The following ZBTB16 variants were observed in gnomAD, a reference collection of about 807,000 sequenced individuals.
ZBTB16 encodes the protein zinc finger and BTB domain-containing protein 16.
ZBTB16 carries 8 observed loss-of-function variants against 56.8 expected under a neutral mutation model. The observed-to-expected ratio is 0.14, with a 90% confidence interval of 0.08 to 0.25. The LOEUF is 0.25. Ranked by LOEUF, ZBTB16 falls within the 10% of genes least tolerant of loss-of-function variation. The pLI, the probability that ZBTB16 is intolerant of heterozygous loss-of-function variation, is 1.00. For synonymous variants in ZBTB16, 363 were observed against 368.5 expected (o/e 0.98, Z 0.17); for missense variants, 625 against 903.0 (o/e 0.69, Z 3.95).
chr11:114,231,280 GAA>G (rs1056342636), intron 4 of ZBTB16, among the ~76,000 whole-genome samples: 3 of 152,158 alleles, frequency 2.0e-5, no homozygotes, highest in Non-Finnish European at 4.4e-5. Flanking sequence ...CTCTTGTAAT[GAA>G]ACTGCTAGAT....
intron 2 of ZBTB16, among the ~76,000 whole-genome samples, chr11:114,151,588 T>C (rs1942279426): frequency 6.6e-6 from 1 of 152,330 alleles, no homozygotes; most frequent in Non-Finnish European, 1.5e-5. Flanking sequence ...TTTCTTTCTC[T>C]AAACCTTCCC....
At chr11:114,066,712 G>A (rs1339714006) in intron 2 of ZBTB16, among the ~76,000 whole-genome samples, 2 of 151,590 alleles carry the variant, frequency 1.3e-5, no homozygotes, top group Non-Finnish European at 2.9e-5. Context: ...GCCATATTTA[G>A]TGGTGAGAGC....
At chr11:114,215,992 G>C (rs1730615023) in intron 4 of ZBTB16, among the ~76,000 whole-genome samples, 1 of 152,300 alleles carries the variant, frequency 6.6e-6, no homozygotes, top group East Asian at 1.9e-4. Flanking sequence ...AGAGCAGACA[G>C]GGTAGGGGTG....
intron 2 of ZBTB16, among the ~76,000 whole-genome samples, chr11:114,094,334 A>G (rs1192770777): frequency 6.6e-6 from 1 of 152,234 alleles, no homozygotes; most frequent in African/African-American, 2.4e-5. Flanking sequence ...AAAAATAAAA[A>G]ACATTAAAAA....
chr11:114,106,627 T>C (rs978822895), intron 2 of ZBTB16, among the ~76,000 whole-genome samples: 1 of 151,940 alleles, frequency 6.6e-6, no homozygotes, highest in African/African-American at 2.4e-5. Context: ...TGCACCACCA[T>C]GCCTGGCTAA....
intron 4 of ZBTB16, among the ~76,000 whole-genome samples, chr11:114,210,192 TGC>T (rs1555155978): frequency 2.4e-4 from 34 of 143,338 alleles, no homozygotes; most frequent in South Asian, 9.1e-4. Context: ...TGTGTGTGTG[TGC>T]GTGCGCGCGC....
intron 2 of ZBTB16, among the ~76,000 whole-genome samples, chr11:114,126,024 T>C (rs1421642946): frequency 6.6e-6 from 1 of 152,138 alleles, no homozygotes; most frequent in Non-Finnish European, 1.5e-5. Context: ...CTGGAGTACA[T>C]TGGGAAGCAA....
intron 2 of ZBTB16, among the ~76,000 whole-genome samples, chr11:114,110,224 T>C (rs955522958): frequency 3.3e-5 from 5 of 152,064 alleles, no homozygotes; most frequent in African/African-American, 1.2e-4. Flanking sequence ...GCTCAGACTT[T>C]CTTGGAGATG....
At chr11:114,203,887 C>T (rs1943791556) in intron 4 of ZBTB16, among the ~76,000 whole-genome samples, 1 of 152,130 alleles carries the variant, frequency 6.6e-6, no homozygotes, top group Non-Finnish European at 1.5e-5. Context: ...AAGGAAGGAT[C>T]AGGTCTGAAC....
chr11:114,235,682 C>CTTTCTTTCTTTCTTTCTTTCTTTCT (rs1341487494), intron 4 of ZBTB16, among the ~76,000 whole-genome samples: 6 of 36,070 alleles, frequency 1.7e-4, no homozygotes, highest in African/African-American at 4.5e-4. Context: ...TTCTTTCTTT[C>CTTTCTTTCTTTCTTTCTTTCTTTCT]TTTCTTTCTT....
rs139331216 is a variant in ZBTB16 at position 114,153,213 on chromosome 11, A to G, written c.1269-3124A>G. Among the ~76,000 whole-genome samples, 141 of 152,356 alleles carry G rather than the reference A, an allele frequency of 9.3e-4. 1 individual carries two copies. The highest frequency in any genetic ancestry group is 1.0e-3 in the Non-Finnish European group (70 of 68,028). ...ACATTCTTCCTTTGGTAGATGAACA[A>G]GAATTAAAGATACGAGCAAACCAGT... On this transcript the variant is annotated intron_variant, in intron 2 of 6. Coordinates refer to ENST00000335953, the MANE Select transcript of ZBTB16 (RefSeq NM_006006.6).
At chr11:114,207,207 T>C (rs1293802011) in intron 4 of ZBTB16, among the ~76,000 whole-genome samples, 1 of 152,128 alleles carries the variant, frequency 6.6e-6, no homozygotes, top group African/African-American at 2.4e-5. Context: ...ATCATTGTCT[T>C]ACCCCAGCTA....
intron 2 of ZBTB16, among the ~76,000 whole-genome samples, chr11:114,148,169 G>C (rs1285338467): frequency 6.6e-6 from 1 of 152,128 alleles, no homozygotes; most frequent in South Asian, 2.1e-4. Flanking sequence ...GCACTCGCAG[G>C]CAGCCTTATC....
chr11:114,206,072 G>C (rs950353733), intron 4 of ZBTB16, among the ~76,000 whole-genome samples: 5 of 152,182 alleles, frequency 3.3e-5, no homozygotes, highest in Non-Finnish European at 4.4e-5. Context: ...GATGTCAAGA[G>C]GGAGCCTGGC....
intron 2 of ZBTB16, among the ~76,000 whole-genome samples, chr11:114,119,120 GC>G (rs1265892976): frequency 4.0e-5 from 6 of 151,854 alleles, no homozygotes. Flanking sequence ...CAAAAAATTA[GC>G]TGGATGTGGT....
chr11:114,253,810 C>T lies in ZBTB16; in HGVS notation c.*3255C>T, dbSNP rs1356670901. ...GGCAAGCTAAGAGGCTGTCTGGAGG[C>T]TTTATATGTGTCTGGAGTTAAGGGG... On this transcript the variant is annotated 3_prime_UTR_variant, in exon 7 of 7. Transcript: ENST00000335953. Among the ~76,000 whole-genome samples the T allele has an allele frequency of 6.6e-6, 1 of 152,218 alleles. No homozygotes were observed. The highest frequency in any genetic ancestry group is 1.5e-5 in the Non-Finnish European group (1 of 68,032).
intron 2 of ZBTB16, among the ~76,000 whole-genome samples, chr11:114,093,397 T>G (rs1940264865): frequency 6.6e-6 from 1 of 152,164 alleles, no homozygotes; most frequent in Admixed American, 6.5e-5. Context: ...TTCAGCCTTT[T>G]GTTCCCCGAT....
At chr11:114,076,046 T>C (rs1270005099) in intron 2 of ZBTB16, among the ~76,000 whole-genome samples, 1 of 152,122 alleles carries the variant, frequency 6.6e-6, no homozygotes, top group African/African-American at 2.4e-5. Context: ...TTACTTTTGC[T>C]GCTGTTGCTG....
At chr11:114,220,674 G>A (rs560665706) in intron 4 of ZBTB16, among the ~76,000 whole-genome samples, 1 of 152,346 alleles carries the variant, frequency 6.6e-6, no homozygotes, top group Admixed American at 6.5e-5. Flanking sequence ...ATGGAAGAAA[G>A]TTGTAGCAAC....
Sources: gnomAD v4.1 joint callset for allele counts (sites outside exome capture counted in the v4.1 genomes callset) on GRCh38, gnomAD v4.1.1 for gene constraint, MANE v1.5 for transcripts, NCBI Gene and HGNC (gene_info 2026-07-23, HGNC 2026-07-21) for gene names.